The following FMNL2 variants were observed in gnomAD, a reference collection of about 807,000 sequenced individuals.
The protein encoded by FMNL2 is formin-like protein 2.
A neutral mutation model predicts 130.2 loss-of-function variants in FMNL2; 51 were observed. The observed-to-expected ratio is 0.39, with a 90% CI of 0.31 to 0.49. The LOEUF (loss-of-function observed/expected upper bound fraction) is 0.49. Among genes scored for constraint, FMNL2 ranks in the 20% least tolerant of loss-of-function variants. FMNL2 has a pLI of 0.85. For synonymous variants in FMNL2, 465 were observed against 467.1 expected (o/e 1.00, Z 0.06); for missense variants, 977 against 1,316.2 (o/e 0.74, Z 3.99).
intron 1 of FMNL2, among the ~76,000 whole-genome samples, chr2:152,410,358 A>C (rs1477586458): frequency 6.6e-6 from 1 of 152,202 alleles, no homozygotes; most frequent in Non-Finnish European, 1.5e-5. Flanking sequence ...CTGCAGTAGT[A>C]CAGTGATAGT....
rs532903667 is a variant in FMNL2 at position 152,575,111 on chromosome 2, T to C, written c.597-25T>C. ...GCTAAGAAAGTAACCTGTTGTTTTA[T>C]AGAAGTTTCTCTTTTTGTTTGTAGA... On this transcript the variant is annotated intron_variant, in intron 6 of 25. Transcript: ENST00000288670. 9.2e-6 allele frequency: 13 copies of C among 1,420,276 alleles called. No homozygotes were observed. The South Asian group carries it at 1.6e-4, about 17-fold the overall frequency. The allele number at this position is 1,420,276 out of a possible 1,614,324, so 88.0% of individuals were successfully genotyped here.
At chr2:152,423,947 C>T (rs1489700854) in intron 1 of FMNL2, among the ~76,000 whole-genome samples, 1 of 152,134 alleles carries the variant, frequency 6.6e-6, no homozygotes, top group Non-Finnish European at 1.5e-5. Flanking sequence ...TGGGTCTGCC[C>T]ATTAACCTTG....
chr2:152,495,069 G>A (rs1428436694), intron 1 of FMNL2, among the ~76,000 whole-genome samples: 2 of 152,114 alleles, frequency 1.3e-5, no homozygotes, highest in East Asian at 3.8e-4. Flanking sequence ...GAAACGCAGC[G>A]TTGGAACACC....
At chr2:152,422,858 G>A (rs1419123051) in intron 1 of FMNL2, among the ~76,000 whole-genome samples, 1 of 152,092 alleles carries the variant, frequency 6.6e-6, no homozygotes, top group East Asian at 1.9e-4. Flanking sequence ...TTACAGAGTG[G>A]TGCCACCATT....
At chr2:152,620,959 T>C in intron 15 of FMNL2, 2 of 985,470 alleles carry the variant, frequency 2.0e-6, no homozygotes, top group Non-Finnish European at 2.4e-6. Context: ...CACTTTCTTC[T>C]AGAACTTTTA....
rs1560293391 is a variant in FMNL2, at chr2:152,357,032, CATAA to C, written c.117+21313_117+21316del. On this transcript the variant is annotated intron_variant, in intron 1 of 25. Transcript: ENST00000288670. ...GTTTAATATATAATGATAAATATTA[CATAA>C]GTTTAATATATCACGATAAATATTA... Among the ~76,000 whole-genome samples, 654 of 123,820 alleles carry C rather than the reference CATAA, an allele frequency of 5.3e-3. 209 individuals carry two copies. The highest frequency in any genetic ancestry group is 8.5e-3 in the Non-Finnish European group (477 of 56,074). The allele number at this position is 123,820 out of a possible 152,430, so 81.2% of individuals were successfully genotyped here. A position where few individuals can be genotyped will look rare whatever the true frequency, so the allele number is the denominator to read the frequency against.
intron 1 of FMNL2, among the ~76,000 whole-genome samples, chr2:152,391,861 C>G (rs1685129142): frequency 6.7e-6 from 1 of 148,294 alleles, no homozygotes; most frequent in Non-Finnish European, 1.5e-5. Context: ...CAAACCCTGA[C>G]CAGAAACAGT....
At chr2:152,495,877 C>G (rs1328309759) in intron 1 of FMNL2, among the ~76,000 whole-genome samples, 1 of 151,880 alleles carries the variant, frequency 6.6e-6, no homozygotes, top group African/African-American at 2.4e-5. Context: ...TCTTTCTTAC[C>G]CTAGTCATTT....
intron 1 of FMNL2, among the ~76,000 whole-genome samples, chr2:152,408,152 G>A (rs959529046): frequency 3.9e-5 from 6 of 152,154 alleles, no homozygotes; most frequent in Non-Finnish European, 8.8e-5. Context: ...TTAACACAGA[G>A]CCTTGGATTC....
intron 1 of FMNL2, among the ~76,000 whole-genome samples, chr2:152,344,328 T>C (rs1053400714): frequency 1.3e-5 from 2 of 152,054 alleles, no homozygotes; most frequent in Non-Finnish European, 2.9e-5. Flanking sequence ...CCCCTTTTTC[T>C]TCCTACCCCA....
chr2:152,423,548 G>C lies in FMNL2; in HGVS notation c.117+87828G>C, dbSNP rs576132531. Among the ~76,000 whole-genome samples the C allele has an allele frequency of 6.8e-4, 103 of 152,328 alleles. 1 individual carries two copies. The highest frequency in any genetic ancestry group is 2.4e-3 in the African/African-American group (101 of 41,582). On this transcript the variant is annotated intron_variant, in intron 1 of 25. Coordinates refer to ENST00000288670, the MANE Select transcript of FMNL2 (RefSeq NM_052905.4). The stretch of plus-strand genomic sequence containing the variant: ...CTTCTAGGAAACAGCCAGAGCTTCA[G>C]ATAGCCCTGGGTCTCAGATGCCTTA...
At chr2:152,564,983 T>G (rs1040969083) in intron 6 of FMNL2, among the ~76,000 whole-genome samples, 4 of 152,122 alleles carry the variant, frequency 2.6e-5, no homozygotes, top group South Asian at 2.1e-4. Context: ...ATTGATGCAG[T>G]AGAGACCTGG....
intron 1 of FMNL2, among the ~76,000 whole-genome samples, chr2:152,461,893 T>C (rs960749600): frequency 1.3e-5 from 2 of 149,424 alleles, no homozygotes; most frequent in Non-Finnish European, 3.0e-5. Flanking sequence ...CCTACATAGC[T>C]TTTTTTCTTT....
intron 1 of FMNL2, among the ~76,000 whole-genome samples, chr2:152,495,653 C>A (rs866616993): frequency 1.3e-3 from 62 of 48,510 alleles, no homozygotes; most frequent in Admixed American, 2.2e-3. Context: ...TCCGTCTCAC[C>A]AAAAAAAAAA....
intron 1 of FMNL2, among the ~76,000 whole-genome samples, chr2:152,481,598 C>G (rs1421960936): frequency 1.3e-5 from 2 of 152,164 alleles, no homozygotes; most frequent in African/African-American, 2.4e-5. Flanking sequence ...GTGAGTCTAA[C>G]TTGTAGTCAG....
intron 1 of FMNL2, among the ~76,000 whole-genome samples, chr2:152,462,851 T>C (rs1689322238): frequency 6.6e-6 from 1 of 152,200 alleles, no homozygotes; most frequent in Non-Finnish European, 1.5e-5. Flanking sequence ...AAATGTAGCG[T>C]ATCCAGCTTC....
chr2:152,414,460 C>T (rs577534566), intron 1 of FMNL2, among the ~76,000 whole-genome samples: 1 of 152,246 alleles, frequency 6.6e-6, no homozygotes, highest in African/African-American at 2.4e-5. Flanking sequence ...ATGTGTTAGT[C>T]AGAAGGGGAC....
Position 152,517,753 on chromosome 2 carries a change from A to C in FMNL2, c.118-4190A>C, listed in dbSNP as rs146571758. On this transcript the variant is annotated intron_variant, in intron 1 of 25. Transcript: ENST00000288670. ...CTGAACTTTTCAATTCAAATATCAT[A>C]TGTCTTCCATCGACCTTTGGCGATA... Among the ~76,000 whole-genome samples, 6 of 152,358 alleles carry C rather than the reference A, an allele frequency of 3.9e-5. No individual in the cohort carries two copies. In the East Asian group the frequency reaches 1.2e-3, roughly 29 times the overall value.
intron 9 of FMNL2, among the ~76,000 whole-genome samples, chr2:152,596,388 T>C (rs1697776298): frequency 6.6e-6 from 1 of 152,256 alleles, no homozygotes; most frequent in African/African-American, 2.4e-5. Flanking sequence ...TTGTATGGTA[T>C]GGTTGATTCC....
Sources: gnomAD v4.1 joint callset for allele counts (sites outside exome capture counted in the v4.1 genomes callset) on GRCh38, gnomAD v4.1.1 for gene constraint, MANE v1.5 for transcripts, NCBI Gene and HGNC (gene_info 2026-07-23, HGNC 2026-07-21) for gene names.